Variants in GPR149 observed in about 807,000 individuals in gnomAD.
GPR149 encodes the protein G protein-coupled receptor 149.
GPR149 carries 50 observed loss-of-function variants against 50.2 expected under a neutral mutation model. That is an observed-to-expected ratio of 1.00 (90% CI 0.79 to 1.26). The LOEUF (loss-of-function observed/expected upper bound fraction) is 1.26. Among genes scored for constraint, GPR149 ranks in the 50% most tolerant of loss-of-function variants. The pLI is 0.00. For synonymous variants in GPR149, 405 were observed against 358.2 expected (o/e 1.13, Z -1.48); for missense variants, 983 against 895.4 (o/e 1.10, Z -1.25).
chr3:154,346,653 T>G (rs1576898421), intron 3 of GPR149, among the ~76,000 whole-genome samples: 1 of 151,620 alleles, frequency 6.6e-6, no homozygotes. Context: ...CAGGCTGGAG[T>G]GAGTGGCACA....
intron 3 of GPR149, among the ~76,000 whole-genome samples, chr3:154,409,258 C>T (rs1165148509): frequency 1.3e-5 from 2 of 152,198 alleles, no homozygotes; most frequent in Non-Finnish European, 2.9e-5. Flanking sequence ...TTCCCTCTGA[C>T]ATAGTCTGCC....
chr3:154,426,874 G>A (rs1229965737), intron 2 of GPR149, among the ~76,000 whole-genome samples: 1 of 3,648 alleles, frequency 2.7e-4, no homozygotes, highest in East Asian at 1.9e-3. Context: ...ACCAGGGCGT[G>A]TGTGTGTGTG....
At chr3:154,407,765 G>A (rs1264835677) in intron 3 of GPR149, among the ~76,000 whole-genome samples, 3 of 149,584 alleles carry the variant, frequency 2.0e-5, no homozygotes, top group African/African-American at 5.0e-5. Context: ...GGGCCTAGAA[G>A]CAAGACACCT....
At chr3:154,426,418 T>G (rs1164369579) in intron 2 of GPR149, among the ~76,000 whole-genome samples, 1 of 152,192 alleles carries the variant, frequency 6.6e-6, no homozygotes, top group East Asian at 1.9e-4. Flanking sequence ...CTCTAGATTT[T>G]GCAACCCTAA....
intron 3 of GPR149, among the ~76,000 whole-genome samples, chr3:154,408,466 G>A (rs1711753245): frequency 6.6e-6 from 1 of 152,162 alleles, no homozygotes; most frequent in Non-Finnish European, 1.5e-5. Context: ...GGAAATAGAC[G>A]CAAGGCTGTT....
chr3:154,414,483 C>A (rs1451246853), intron 3 of GPR149, among the ~76,000 whole-genome samples: 2 of 151,892 alleles, frequency 1.3e-5, no homozygotes, highest in East Asian at 3.9e-4. Flanking sequence ...TCAGTGCATG[C>A]TAAAGTTAGT....
intron 3 of GPR149, among the ~76,000 whole-genome samples, chr3:154,344,204 A>G (rs1456143293): frequency 6.6e-6 from 1 of 152,218 alleles, no homozygotes; most frequent in Non-Finnish European, 1.5e-5. Context: ...GAGTCCAACA[A>G]GCTGTCAATG....
At chr3:154,367,459 C>G (rs1381819025) in intron 3 of GPR149, among the ~76,000 whole-genome samples, 2 of 152,150 alleles carry the variant, frequency 1.3e-5, no homozygotes, top group African/African-American at 4.8e-5. Context: ...GATCCTGTCT[C>G]CTTTGCCATG....
chr3:154,429,175 C>G lies in GPR149; in HGVS notation c.441G>C (p.Ser147=), dbSNP rs572140120. The change falls in exon 1 of 4, where the codon TCG becomes TCC. Residue 147 remains serine, a synonymous_variant. Transcript: ENST00000389740. The part of the protein sequence containing the change: ...GVGSQTASRR[S]GQVLGVVLTV... ...TCAGCACCACGCCGAGCACCTGGCC[C>G]GATCTTCTGGAGGCTGTCTGGCTCC... 2 of 1,613,934 alleles carry G rather than the reference C, an allele frequency of 1.2e-6. No individual in the cohort carries two copies. Among genetic ancestry groups the G allele is most frequent in the Admixed American group, 1.7e-5 (1 of 60,020 alleles).
intron 3 of GPR149, among the ~76,000 whole-genome samples, chr3:154,371,622 G>A (rs183241920): frequency 4.8e-4 from 73 of 152,246 alleles, no homozygotes; most frequent in African/African-American, 1.6e-3. Context: ...CTTCAAAACC[G>A]GAGAGCCCTA....
At chr3:154,355,961 C>T (rs1265050469) in intron 3 of GPR149, among the ~76,000 whole-genome samples, 1 of 152,114 alleles carries the variant, frequency 6.6e-6, no homozygotes, top group East Asian at 1.9e-4. Flanking sequence ...AGAATACTTT[C>T]GTCAAACATC....
In GPR149 at chr3:154,337,840, AATAT is replaced by A; in HGVS notation, c.2051_2054del (p.Asp684ValfsTer9). The A allele has an allele frequency of 6.2e-7, 1 of 1,614,088 alleles. No individual in the cohort carries two copies. The highest frequency in any genetic ancestry group is 8.5e-7 in the Non-Finnish European group (1 of 1,179,980). ...CTACTGTGTCTGGAATGGAGATATT[AATAT>A]CACCATCAGGATTACTGGTGGGCAA... On this transcript the variant is annotated frameshift_variant, in exon 4 of 4. Coordinates refer to ENST00000389740, the MANE Select transcript of GPR149 (RefSeq NM_001038705.3). LOFTEE classifies it high-confidence loss of function.
At chr3:154,398,206 A>T (rs1042791788) in intron 3 of GPR149, among the ~76,000 whole-genome samples, 3 of 152,190 alleles carry the variant, frequency 2.0e-5, no homozygotes, top group Non-Finnish European at 4.4e-5. Context: ...ATCTTCCCTG[A>T]CTATCTAGAA....
intron 3 of GPR149, among the ~76,000 whole-genome samples, chr3:154,418,850 G>T (rs1712059615): frequency 6.6e-6 from 1 of 151,536 alleles, no homozygotes; most frequent in South Asian, 2.1e-4. Context: ...ATTCAACTTT[G>T]ACTTTCAAAA....
rs190210659 is a variant in GPR149 at position 154,388,783 on chromosome 3, C to T, written c.1623+32256G>A. Among the ~76,000 whole-genome samples, 4 of 151,836 alleles carry T rather than the reference C, an allele frequency of 2.6e-5. No individual in the cohort carries two copies. The East Asian group carries it at 7.8e-4, about 30-fold the overall frequency. On this transcript the variant is annotated intron_variant, in intron 3 of 3. Transcript: ENST00000389740. ...CTAACACTGAACTTTATCATTCATACCACAGACACTAGAAAGGAGAATTCT... is the reference window on the plus strand; with the variant it reads ...CTAACACTGAACTTTATCATTCATATCACAGACACTAGAAAGGAGAATTCT...
chr3:154,429,668 A>G lies in GPR149; in HGVS notation c.-53T>C. Reference sequence around the variant, plus strand: ...TATCAATGAGTCTGATAATTTTCTCAAAAGAAAGACCGGCTGCTGCAAATC... The same window carrying G: ...TATCAATGAGTCTGATAATTTTCTCGAAAGAAAGACCGGCTGCTGCAAATC... On this transcript the variant is annotated 5_prime_UTR_variant, in exon 1 of 4. Transcript: ENST00000389740. The G allele has an allele frequency of 6.7e-7, 1 of 1,485,192 alleles. No individual in the cohort carries two copies. 92.0% of individuals were successfully genotyped at this position (1,485,192 alleles called of 1,614,324 possible).
intron 3 of GPR149, among the ~76,000 whole-genome samples, chr3:154,345,814 A>G (rs1247976150): frequency 6.6e-6 from 1 of 152,210 alleles, no homozygotes; most frequent in Non-Finnish European, 1.5e-5. Context: ...AAGACATTAT[A>G]TAGCATCTAG....
intron 3 of GPR149, among the ~76,000 whole-genome samples, chr3:154,348,550 A>G (rs961065973): frequency 2.0e-5 from 3 of 152,168 alleles, no homozygotes; most frequent in Admixed American, 2.0e-4. Context: ...TCCACTTAGA[A>G]GACATAGCAA....
intron 3 of GPR149, among the ~76,000 whole-genome samples, chr3:154,398,678 A>T (rs1715349919): frequency 6.6e-6 from 1 of 152,156 alleles, no homozygotes; most frequent in Non-Finnish European, 1.5e-5. Context: ...CTGAAATGAC[A>T]AGTTCAAAAA....
Sources: gnomAD v4.1 joint callset for allele counts (sites outside exome capture counted in the v4.1 genomes callset) on GRCh38, gnomAD v4.1.1 for gene constraint, MANE v1.5 for transcripts, NCBI Gene and HGNC (gene_info 2026-07-23, HGNC 2026-07-21) for gene names.